The following LRBA variants were observed in gnomAD, a reference collection of about 807,000 sequenced individuals.
LRBA encodes LPS responsive beige-like anchor protein, also known as lipopolysaccharide-responsive and beige-like anchor protein.
In LRBA, 176 loss-of-function variants were observed where a neutral mutation model predicts 330.0. The ratio of observed to expected loss-of-function variants is 0.53; its 90% CI spans 0.47 to 0.60. The LOEUF is 0.60. LRBA is among the 20% of genes least tolerant of loss of function. The pLI is 0.00. For synonymous variants in LRBA, 1,230 were observed against 1,193.0 expected, an observed-to-expected ratio of 1.03 and a Z score of -0.64; for missense variants, 3,259 against 3,444.8, an observed-to-expected ratio of 0.95 and a Z score of 1.35.
At chr4:150,413,216 T>C (rs1424812432) in intron 47 of LRBA, among the ~76,000 whole-genome samples, 1 of 152,026 alleles carries the variant, frequency 6.6e-6, no homozygotes, top group Admixed American at 6.6e-5. Flanking sequence ...CAAGTCTTGT[T>C]AAGGATAGGG....
intron 37 of LRBA, among the ~76,000 whole-genome samples, chr4:150,619,342 G>A (rs1340071280): frequency 2.0e-5 from 3 of 152,048 alleles, no homozygotes; most frequent in African/African-American, 7.2e-5. Flanking sequence ...CCCTCTCCAG[G>A]AAGATTTGAG....
intron 2 of LRBA, among the ~76,000 whole-genome samples, chr4:150,941,360 C>T (rs537070094): frequency 2.0e-5 from 3 of 152,054 alleles, no homozygotes; most frequent in Non-Finnish European, 4.4e-5. Context: ...ACCATTTTGG[C>T]CAGGCTGGTC....
intron 33 of LRBA, among the ~76,000 whole-genome samples, chr4:150,799,794 G>C (rs1312830895): frequency 6.6e-6 from 1 of 151,864 alleles, no homozygotes; most frequent in Non-Finnish European, 1.5e-5. Context: ...ACCCAGGCTG[G>C]AGTGCAATGG....
chr4:150,396,010 C>T (rs1038682722), intron 47 of LRBA, among the ~76,000 whole-genome samples: 24 of 152,242 alleles, frequency 1.6e-4, no homozygotes, highest in African/African-American at 5.5e-4. Context: ...GAGTGGGCTG[C>T]GGGATGCCCA....
At chr4:150,289,703 C>A (rs900640580) in intron 53 of LRBA, among the ~76,000 whole-genome samples, 3 of 152,162 alleles carry the variant, frequency 2.0e-5, no homozygotes, top group African/African-American at 7.2e-5. Context: ...CCTTTATTAT[C>A]TGCTGTACAG....
intron 37 of LRBA, among the ~76,000 whole-genome samples, chr4:150,625,722 T>A (rs1282007999): frequency 1.3e-5 from 2 of 150,294 alleles, no homozygotes; most frequent in Non-Finnish European, 3.0e-5. Context: ...TTATTATTTT[T>A]TTTTTGAGAC....
At chr4:150,339,127 T>C (rs1020387230) in intron 48 of LRBA, among the ~76,000 whole-genome samples, 1 of 152,126 alleles carries the variant, frequency 6.6e-6, no homozygotes, top group African/African-American at 2.4e-5. Context: ...GTGTTCTTTG[T>C]GCTCTCCCTC....
chr4:150,965,943 T>G (rs1738830458), intron 2 of LRBA, among the ~76,000 whole-genome samples: 1 of 152,130 alleles, frequency 6.6e-6, no homozygotes, highest in Non-Finnish European at 1.5e-5. Context: ...AGAGAGAGAT[T>G]TCATTAAATA....
intron 47 of LRBA, among the ~76,000 whole-genome samples, chr4:150,362,445 A>G (rs538212404): frequency 2.0e-5 from 3 of 152,160 alleles, no homozygotes; most frequent in Non-Finnish European, 4.4e-5. Flanking sequence ...ACTGCTATCT[A>G]AAACCTAGCC....
At chr4:150,861,972 C>T in intron 22 of LRBA, among the ~76,000 whole-genome samples, 1 of 147,124 alleles carries the variant, frequency 6.8e-6, no homozygotes, top group East Asian at 2.0e-4. Context: ...CAGAGCAAGA[C>T]TCTGACTCCA....
intron 40 of LRBA, among the ~76,000 whole-genome samples, chr4:150,543,238 C>T (rs748220124): frequency 1.7e-4 from 26 of 152,266 alleles, no homozygotes; most frequent in African/African-American, 2.6e-4. Context: ...TCATTCTTAT[C>T]TCTGTATACA....
At chr4:150,458,494 A>C (rs1446742878) in intron 44 of LRBA, among the ~76,000 whole-genome samples, 7 of 151,818 alleles carry the variant, frequency 4.6e-5, no homozygotes, top group Admixed American at 3.3e-4. Context: ...TTTGCTACCT[A>C]GGATCCTCAA....
At chr4:150,625,053 G>GA (rs1211896750) in intron 37 of LRBA, among the ~76,000 whole-genome samples, 2 of 152,252 alleles carry the variant, frequency 1.3e-5, no homozygotes, top group East Asian at 3.9e-4. Flanking sequence ...GACACAAATT[G>GA]AAAAATGTAT....
chr4:150,707,256 G>C (rs1419835062), intron 36 of LRBA, among the ~76,000 whole-genome samples: 1 of 151,460 alleles, frequency 6.6e-6, no homozygotes, highest in Non-Finnish European at 1.5e-5. Context: ...AAAACTAAAT[G>C]AATAGATTGA....
At chr4:150,283,515 C>G (rs942621129) in intron 54 of LRBA, among the ~76,000 whole-genome samples, 4 of 152,206 alleles carry the variant, frequency 2.6e-5, no homozygotes, top group African/African-American at 9.7e-5. Flanking sequence ...ACTCTACTGG[C>G]TAAATTACTC....
chr4:150,702,172 A>G (rs975019946), intron 36 of LRBA, among the ~76,000 whole-genome samples: 1 of 152,226 alleles, frequency 6.6e-6, no homozygotes, highest in African/African-American at 2.4e-5. Flanking sequence ...AAATAGTATT[A>G]TAAGATTTCG....
At chr4:150,674,275 G>A (rs1282919969) in intron 37 of LRBA, among the ~76,000 whole-genome samples, 1 of 151,392 alleles carries the variant, frequency 6.6e-6, no homozygotes, top group Non-Finnish European at 1.5e-5. Context: ...GGAAAGGAAA[G>A]AGAAATCAAA....
At chr4:150,420,098 T>A (rs1156650245) in intron 46 of LRBA, among the ~76,000 whole-genome samples, 1 of 150,392 alleles carries the variant, frequency 6.6e-6, no homozygotes, top group Non-Finnish European at 1.5e-5. Flanking sequence ...TTTAGCCAGG[T>A]ATGGTGGCAT....
intron 44 of LRBA, among the ~76,000 whole-genome samples, chr4:150,443,853 A>AAATATATATATATAT (rs70941406): frequency 6.2e-4 from 47 of 75,452 alleles, no homozygotes; most frequent in East Asian, 2.3e-3. Context: ...TAATTAAAAA[A>AAATATATATATATAT]ATATATATAT....
Sources: allele counts gnomAD v4.1 joint callset (sites outside exome capture counted in the v4.1 genomes callset), GRCh38; gene constraint gnomAD v4.1.1; transcripts MANE v1.5; gene names NCBI Gene and HGNC (gene_info 2026-07-23, HGNC 2026-07-21).